FAM193A: variants seen among roughly 807,000 people sequenced by gnomAD.
FAM193A encodes family with sequence similarity 193 member A, also known as protein FAM193A.
In FAM193A, 22 loss-of-function variants were observed where a neutral mutation model predicts 126.5. The observed-to-expected ratio is 0.17, with a 90% CI of 0.12 to 0.25. The LOEUF is 0.25. FAM193A is among the 10% of genes least tolerant of loss of function. FAM193A has a pLI of 1.00. For missense variants in FAM193A, 1,675 were observed against 1,672.8 expected (o/e 1.00, Z -0.02); for synonymous variants, 761 against 646.8 (o/e 1.18, Z -2.68).
At chr4:2,571,624 T>C (rs1000300019) in intron 1 of FAM193A, among the ~76,000 whole-genome samples, 9 of 151,812 alleles carry the variant, frequency 5.9e-5, no homozygotes, top group Non-Finnish European at 1.2e-4. Flanking sequence ...CACTGCAAAC[T>C]CTGCCTCCTT....
chr4:2,638,717 CAATCATTAT>C (rs145015540), intron 5 of FAM193A, among the ~76,000 whole-genome samples: 13 of 143,876 alleles, frequency 9.0e-5, no homozygotes, highest in Admixed American at 4.7e-4. Context: ...TGTTTACTTT[CAATCATTAT>C]AATCATTATA....
rs140039973 is a variant in FAM193A at position 2,575,875 on chromosome 4, C to T, written c.256-20209C>T. On this transcript the variant is annotated intron_variant, in intron 1 of 20. Transcript: ENST00000637812. ...GCTCTTCACTGGTGGACACTATCTT[C>T]CCTAAATGTTCTTGTGTGTTGCTTG... 5.8e-3 allele frequency among the ~76,000 whole-genome samples: 888 copies of T among 152,218 alleles called. 12 individuals are homozygous for T. The highest frequency in any genetic ancestry group is 0.021 in the African/African-American group (859 of 41,522).
At chr4:2,632,059 A>G (rs1743644994) in intron 5 of FAM193A, among the ~76,000 whole-genome samples, 1 of 152,116 alleles carries the variant, frequency 6.6e-6, no homozygotes, top group African/African-American at 2.4e-5. Flanking sequence ...GAGAAGTCTA[A>G]GTTTGAGGGG....
At chr4:2,595,201 A>G (rs1740790496) in intron 1 of FAM193A, among the ~76,000 whole-genome samples, 1 of 152,182 alleles carries the variant, frequency 6.6e-6, no homozygotes, top group Admixed American at 6.5e-5. Context: ...GGCACGCACC[A>G]CTATGCCTGG....
At chr4:2,637,249 C>A (rs757690590) in intron 5 of FAM193A, among the ~76,000 whole-genome samples, 14 of 152,186 alleles carry the variant, frequency 9.2e-5, no homozygotes, top group African/African-American at 3.4e-4. Flanking sequence ...ATTGCTTGAG[C>A]CTGGGAGGCG....
intron 1 of FAM193A, among the ~76,000 whole-genome samples, chr4:2,546,574 A>T (rs1185365134): frequency 6.6e-6 from 1 of 152,162 alleles, no homozygotes; most frequent in African/African-American, 2.4e-5. Flanking sequence ...TGACTTTGAG[A>T]TTCATCCAAG....
intron 1 of FAM193A, among the ~76,000 whole-genome samples, chr4:2,590,508 A>AAC (rs1553890440): frequency 3.0e-5 from 4 of 131,184 alleles, no homozygotes; most frequent in African/African-American, 7.6e-5. Context: ...AAAAAAAACA[A>AAC]AAAAAAAACA....
intron 1 of FAM193A, among the ~76,000 whole-genome samples, chr4:2,554,001 T>C (rs571488562): frequency 1.1e-3 from 161 of 152,292 alleles, no homozygotes; most frequent in African/African-American, 3.7e-3. Flanking sequence ...AACTTTTTTT[T>C]CCCAGTCTTG....
rs373294577 is a variant in FAM193A at position 2,639,726 on chromosome 4, C to A, written c.1039-9C>A. The A allele has an allele frequency of 5.0e-6, 8 of 1,605,124 alleles. No individual in the cohort carries two copies. The African/African-American group carries it at 9.4e-5, about 19-fold the overall frequency. ...ATCTTCTGTTTATCTTTTACTTTTTCTTAACCAGGAAAATGAACACTTGAA... is the reference window on the plus strand; with the variant it reads ...ATCTTCTGTTTATCTTTTACTTTTTATTAACCAGGAAAATGAACACTTGAA... On this transcript the variant is annotated splice_polypyrimidine_tract_variant and intron_variant, in intron 5 of 20. Transcript: ENST00000637812.
At chr4:2,572,777 AT>A (rs533532132) in intron 1 of FAM193A, among the ~76,000 whole-genome samples, 5,624 of 135,888 alleles carry the variant, frequency 0.041, 320 homozygotes, top group African/African-American at 0.13. Context: ...CAGAGGAGGA[AT>A]TTTTTTTTTT....
At chr4:2,642,499 TCA>T (rs1172676994) in intron 6 of FAM193A, among the ~76,000 whole-genome samples, 1 of 152,078 alleles carries the variant, frequency 6.6e-6, no homozygotes, top group Non-Finnish European at 1.5e-5. Context: ...GGAAGAGAAT[TCA>T]CAGTGGTGAA....
intron 13 of FAM193A, among the ~76,000 whole-genome samples, chr4:2,685,050 A>C (rs531288359): frequency 6.6e-6 from 1 of 152,304 alleles, no homozygotes; most frequent in African/African-American, 2.4e-5. Context: ...TTTTCATCCA[A>C]CACGGAGGAT....
chr4:2,704,104 A>G (rs903806242), intron 19 of FAM193A, among the ~76,000 whole-genome samples: 4 of 151,664 alleles, frequency 2.6e-5, no homozygotes, highest in Admixed American at 2.6e-4. Flanking sequence ...CTCTACTAAA[A>G]ATACAAAAAT....
chr4:2,588,882 T>G (rs185000794), intron 1 of FAM193A, among the ~76,000 whole-genome samples: 1 of 152,342 alleles, frequency 6.6e-6, no homozygotes, highest in East Asian at 1.9e-4. Context: ...CTTAGTAGAT[T>G]AACTTTACTT....
intron 2 of FAM193A, among the ~76,000 whole-genome samples, chr4:2,624,478 G>T (rs940769428): frequency 2.6e-5 from 4 of 152,184 alleles, no homozygotes; most frequent in African/African-American, 4.8e-5. Flanking sequence ...TTGTTCCTCA[G>T]AGCAGGCAGT....
upstream of FAM193A, among the ~76,000 whole-genome samples, chr4:2,535,442 A>G (rs892317831): frequency 2.6e-5 from 4 of 152,228 alleles, no homozygotes; most frequent in African/African-American, 7.2e-5. Context: ...CAGGCCGTAC[A>G]TCCCAATGCC....
intron 2 of FAM193A, among the ~76,000 whole-genome samples, chr4:2,622,257 C>CAAAAAAAAAAAAAAAAAAAAAAA (rs71178493): frequency 1.8e-5 from 1 of 55,546 alleles, no homozygotes; most frequent in African/African-American, 6.8e-5. Flanking sequence ...ACCCTGTCTC[C>CAAAAAAAAAAAAAAAAAAAAAAA]AAAAAAAAAA....
At chr4:2,561,319 G>A (rs1018185434) in intron 1 of FAM193A, among the ~76,000 whole-genome samples, 4 of 149,868 alleles carry the variant, frequency 2.7e-5, no homozygotes, top group Non-Finnish European at 5.9e-5. Flanking sequence ...GTAGCTGGGA[G>A]TACAGGTGCG....
chr4:2,564,223 A>T (rs1738797701), intron 1 of FAM193A, among the ~76,000 whole-genome samples: 1 of 151,992 alleles, frequency 6.6e-6, no homozygotes, highest in Admixed American at 6.6e-5. Flanking sequence ...GTGGGACCAT[A>T]GGCACCTCTA....
Sources: gnomAD v4.1 joint callset for allele counts (sites outside exome capture counted in the v4.1 genomes callset) on GRCh38, gnomAD v4.1.1 for gene constraint, MANE v1.5 for transcripts, NCBI Gene and HGNC (gene_info 2026-07-23, HGNC 2026-07-21) for gene names.